ADGRL3: variants seen among roughly 807,000 people sequenced by gnomAD.
ADGRL3 encodes adhesion G protein-coupled receptor L3.
ADGRL3 carries 62 observed loss-of-function variants against 153.5 expected under a neutral mutation model. That is an observed-to-expected ratio of 0.40 (90% confidence interval 0.33 to 0.50). The LOEUF (loss-of-function observed/expected upper bound fraction) is 0.50. ADGRL3 is among the 20% of genes least tolerant of loss of function. The pLI is 0.47. For missense variants in ADGRL3, 1,641 were observed against 1,859.4 expected, an observed-to-expected ratio of 0.88 and a Z score of 2.16; for synonymous variants, 710 against 672.5, an observed-to-expected ratio of 1.06 and a Z score of -0.86.
At chr4:61,465,809 A>G (rs1232469926) in intron 2 of ADGRL3, among the ~76,000 whole-genome samples, 1 of 145,686 alleles carries the variant, frequency 6.9e-6, no homozygotes, top group Non-Finnish European at 1.5e-5. Flanking sequence ...TCGTTATATA[A>G]TCATAACAAA....
At chr4:61,775,517 C>A in intron 8 of ADGRL3, 2 of 750,116 alleles carry the variant, frequency 2.7e-6, no homozygotes, top group South Asian at 2.7e-5. Flanking sequence ...TAGTCCTTAA[C>A]TACTGCACAA....
intron 8 of ADGRL3, among the ~76,000 whole-genome samples, chr4:61,750,302 A>G (rs1281324723): frequency 6.6e-6 from 1 of 152,106 alleles, no homozygotes; most frequent in Non-Finnish European, 1.5e-5. Flanking sequence ...GCAGCATCAT[A>G]CTGATTACCA....
At chr4:61,990,624 T>G (rs2099100399) in intron 19 of ADGRL3, among the ~76,000 whole-genome samples, 1 of 151,998 alleles carries the variant, frequency 6.6e-6, no homozygotes, top group East Asian at 1.9e-4. Flanking sequence ...GAGATGACCT[T>G]ATATTTAGAA....
chr4:61,661,445 T>G (rs2150577250), intron 5 of ADGRL3, among the ~76,000 whole-genome samples: 1 of 152,232 alleles, frequency 6.6e-6, no homozygotes, highest in Middle Eastern at 3.5e-3. Flanking sequence ...TTGAAAAGAT[T>G]GAAAACCACA....
chr4:62,051,379 C>G (rs1378163371), intron 25 of ADGRL3, among the ~76,000 whole-genome samples: 6 of 151,078 alleles, frequency 4.0e-5, no homozygotes, highest in Non-Finnish European at 8.9e-5. Context: ...GTTTTTAACC[C>G]AAGGAAGCCA....
chr4:61,741,715 A>G (rs1490983432), intron 8 of ADGRL3, among the ~76,000 whole-genome samples: 1 of 152,274 alleles, frequency 6.6e-6, no homozygotes, highest in African/African-American at 2.4e-5. Context: ...AAAGAATCAC[A>G]GTCCTGTACA....
intron 5 of ADGRL3, among the ~76,000 whole-genome samples, chr4:61,616,025 C>T (rs1313967324): frequency 6.6e-6 from 1 of 151,984 alleles, no homozygotes; most frequent in African/African-American, 2.4e-5. Context: ...CAAGGGAAAA[C>T]ATTGCAAACA....
rs775770406 is a variant in ADGRL3 at position 62,070,352 on chromosome 4, T to A, written c.4076T>A (p.Leu1359Gln). ...CGCTCCAGTGAACAGAACAGGAATC[T>A]GATGAACAAGCTGGTGAATAACCTT... ...HERSSEQNRN[L>Q]MNKLVNNLGS... is the part of the protein sequence containing the mutation. The change falls in exon 27 of 27, where the codon CTG becomes CAG. Residue 1359 changes from leucine to glutamine, a missense_variant. Physicochemically the swap from Leu to Gln is moderately radical, Grantham distance 113 (BLOSUM62 -2). This residue lies in a region of ADGRL3 where 517 missense variants were observed against 555.0 expected (regional missense o/e 0.93). Coordinates refer to ENST00000683033, the MANE Select transcript of ADGRL3 (RefSeq NM_001387552.1). 6.4e-7 allele frequency: 1 copy of A among 1,552,170 alleles called. No individual in the cohort carries two copies.
intron 4 of ADGRL3, among the ~76,000 whole-genome samples, chr4:61,553,467 A>G (rs1046103914): frequency 4.6e-5 from 7 of 152,194 alleles, no homozygotes; most frequent in East Asian, 1.9e-4. Flanking sequence ...CAAACATACA[A>G]TACTTCTCAG....
At chr4:61,308,042 A>C (rs1159946941) in intron 1 of ADGRL3, among the ~76,000 whole-genome samples, 1 of 152,174 alleles carries the variant, frequency 6.6e-6, no homozygotes, top group Non-Finnish European at 1.5e-5. Flanking sequence ...TGGAGAATAA[A>C]GATCTCTCTG....
chr4:61,419,199 A>G (rs1006859803), intron 2 of ADGRL3, among the ~76,000 whole-genome samples: 1 of 150,818 alleles, frequency 6.6e-6, no homozygotes, highest in Admixed American at 6.6e-5. Flanking sequence ...AATGAAACCA[A>G]TTTTACTATA....
intron 4 of ADGRL3, among the ~76,000 whole-genome samples, chr4:61,586,508 G>A (rs1475614352): frequency 1.3e-5 from 2 of 151,994 alleles, no homozygotes; most frequent in Non-Finnish European, 2.9e-5. Flanking sequence ...TATGTATAGT[G>A]TGATACTACC....
chr4:61,215,941 G>A (rs189632090), intron 1 of ADGRL3, among the ~76,000 whole-genome samples: 15 of 152,156 alleles, frequency 9.9e-5, no homozygotes, highest in Non-Finnish European at 1.9e-4. Flanking sequence ...AATTAGTCAT[G>A]TAACTTCTGT....
At chr4:61,831,561 C>G (rs1352854891) in intron 9 of ADGRL3, among the ~76,000 whole-genome samples, 1 of 151,944 alleles carries the variant, frequency 6.6e-6, no homozygotes, top group Non-Finnish European at 1.5e-5. Flanking sequence ...TCTGGCCACA[C>G]CAGTGCATTT....
At chr4:61,430,878 T>G (rs916352753) in intron 2 of ADGRL3, among the ~76,000 whole-genome samples, 1 of 152,118 alleles carries the variant, frequency 6.6e-6, no homozygotes, top group Non-Finnish European at 1.5e-5. Context: ...ATAGTAGAGG[T>G]TTAGTGATAA....
At chr4:61,896,778 G>A (rs1581358598) in intron 11 of ADGRL3, among the ~76,000 whole-genome samples, 1 of 152,058 alleles carries the variant, frequency 6.6e-6, no homozygotes, top group African/African-American at 2.4e-5. Context: ...TGCTTCTCCA[G>A]TTTCAGCACT....
At chr4:61,547,977 G>T (rs1467971218) in intron 4 of ADGRL3, among the ~76,000 whole-genome samples, 2 of 152,010 alleles carry the variant, frequency 1.3e-5, no homozygotes, top group South Asian at 2.1e-4. Flanking sequence ...GTTTTGATTT[G>T]CATTTCTCTG....
chr4:61,914,694 C>T (rs1034949300), intron 13 of ADGRL3, among the ~76,000 whole-genome samples: 2 of 152,070 alleles, frequency 1.3e-5, no homozygotes, highest in African/African-American at 4.8e-5. Flanking sequence ...TCTGAATATT[C>T]ACATTCCACT....
chr4:61,921,614 G>T (rs2098769676), intron 13 of ADGRL3, among the ~76,000 whole-genome samples: 1 of 152,108 alleles, frequency 6.6e-6, no homozygotes, highest in African/African-American at 2.4e-5. Context: ...CACTATGTTG[G>T]CCAGGATGGC....
Sources: gnomAD v4.1 joint callset for allele counts (sites outside exome capture counted in the v4.1 genomes callset) on GRCh38, gnomAD v4.1.1 for gene constraint, gnomAD v4.1.1 regional missense constraint, MANE v1.5 for transcripts, NCBI Gene and HGNC (gene_info 2026-07-23, HGNC 2026-07-21) for gene names.